AGGF1: variants seen among roughly 807,000 people sequenced by gnomAD.
AGGF1 encodes the protein angiogenic factor with G patch and FHA domains 1.
AGGF1 carries 56 observed loss-of-function variants against 86.5 expected under a neutral mutation model. The observed-to-expected ratio is 0.65, with a 90% CI of 0.52 to 0.81. The LOEUF is 0.81. AGGF1 is among the 30% of genes least tolerant of loss of function. The pLI, the probability that AGGF1 is intolerant of heterozygous loss-of-function variation, is 0.00. For synonymous variants in AGGF1, 313 were observed against 297.1 expected, an observed-to-expected ratio of 1.05 and a Z score of -0.55; for missense variants, 816 against 850.9, an observed-to-expected ratio of 0.96 and a Z score of 0.51.
intron 1 of AGGF1, among the ~76,000 whole-genome samples, chr5:77,031,978 A>G (rs1746862599): frequency 6.6e-6 from 1 of 151,994 alleles, no homozygotes; most frequent in African/African-American, 2.4e-5. Flanking sequence ...CCAACAGATT[A>G]TTTCCACATA....
intron 8 of AGGF1, 22 bp downstream of exon 8, chr5:77,049,009 A>G (rs781479157): frequency 1.2e-6 from 2 of 1,609,054 alleles, no homozygotes; most frequent in Admixed American, 3.3e-5. Context: ...GATTTATCAA[A>G]TATAGTCCCC....
intron 8 of AGGF1, 75 bp downstream of exon 8, chr5:77,049,062 G>T: frequency 6.9e-7 from 1 of 1,454,232 alleles, no homozygotes; most frequent in South Asian, 1.2e-5. Flanking sequence ...GAAAGCTTAG[G>T]GATTTTTCTC....
At position 77,034,447 on chromosome 5, in the gene AGGF1, T is replaced by G; in HGVS notation, c.240T>G (p.Arg80=). 1.2e-6 allele frequency: 2 copies of G among 1,613,184 alleles called. No homozygotes were observed. Among genetic ancestry groups the G allele is most frequent in the Non-Finnish European group, 1.7e-6 (2 of 1,179,336 alleles). The change falls in exon 2 of 14, where the codon CGT becomes CGG. Residue 80 remains arginine (R), a synonymous_variant. Coordinates refer to ENST00000312916, the MANE Select transcript of AGGF1 (RefSeq NM_018046.5). Reference sequence around the variant, plus strand: ...AAGAACTCAGTAAAATACTCCAACGTGGGAGAAATGAAGATAATAAAAAGT... The same window carrying G: ...AAGAACTCAGTAAAATACTCCAACGGGGGAGAAATGAAGATAATAAAAAGT... The part of the protein sequence containing the change: ...QVEELSKILQ[R]GRNEDNKKSD...
At chr5:77,052,856 A>T (rs553282815) in intron 9 of AGGF1, 49 bp downstream of exon 9, 1 of 1,405,070 alleles carries the variant, frequency 7.1e-7, no homozygotes, top group East Asian at 2.3e-5. Context: ...TTTTAAACTG[A>T]TTTTTTTTTA....
chr5:77,039,969 A>G (rs1747040153), intron 5 of AGGF1, among the ~76,000 whole-genome samples: 1 of 152,204 alleles, frequency 6.6e-6, no homozygotes, highest in Non-Finnish European at 1.5e-5. Context: ...TATAGTTTGG[A>G]AGAAGAATTC....
intron 9 of AGGF1, 99 bp from the exon 10 acceptor site, chr5:77,053,864 AAT>A (rs1431693442): frequency 8.4e-7 from 1 of 1,191,544 alleles, no homozygotes. Context: ...AGCTATTTTA[AAT>A]ATATTTTAAA....
chr5:77,048,174 T>G lies in AGGF1; in HGVS notation c.1215T>G (p.Ile405Met). 2 of 1,610,536 alleles carry G rather than the reference T, an allele frequency of 1.2e-6. No homozygotes were observed. The highest frequency in any genetic ancestry group is 1.7e-6 in the Non-Finnish European group (2 of 1,177,318). Reference protein sequence around the residue: ...EDSEDEDEDKIWPPCIRVIVI... With the variant: ...EDSEDEDEDKMWPPCIRVIVI... ...TTTCCTTGGCAGATGAAGACAAAATTTGGCCCCCATGTATTAGAGTAATTG... is the reference window on the plus strand; with the variant it reads ...TTTCCTTGGCAGATGAAGACAAAATGTGGCCCCCATGTATTAGAGTAATTG... Residue 405 changes from isoleucine (I) to methionine (M), a missense_variant, in exon 7 of 14, where the codon ATT becomes ATG. This residue lies in a region of AGGF1 where 565 missense variants were observed against 585.8 expected (regional missense o/e 0.96). Coordinates refer to ENST00000312916, the MANE Select transcript of AGGF1 (RefSeq NM_018046.5).
chr5:77,046,722 C>T (rs772813738), intron 6 of AGGF1, 45 bp downstream of exon 6: 2 of 1,558,070 alleles, frequency 1.3e-6, no homozygotes, highest in South Asian at 2.2e-5. Context: ...AGTCTGGTAA[C>T]TATAAAAGAG....
At chr5:77,036,869 C>A (rs1580123947) in intron 4 of AGGF1, 149 bp downstream of exon 4, 3 of 881,644 alleles carry the variant, frequency 3.4e-6, no homozygotes, top group Middle Eastern at 3.4e-4. Context: ...TCCCAAGTAG[C>A]TGGGATTACA....
intron 11 of AGGF1, among the ~76,000 whole-genome samples, chr5:77,057,612 C>G (rs959347915): frequency 2.6e-5 from 4 of 152,162 alleles, no homozygotes; most frequent in Non-Finnish European, 5.9e-5. Flanking sequence ...TTACTACTTA[C>G]AAATAGTGAG....
chr5:77,043,275 C>A (rs1747161198), intron 5 of AGGF1, among the ~76,000 whole-genome samples: 2 of 29,290 alleles, frequency 6.8e-5, no homozygotes, highest in Admixed American at 2.9e-4. Flanking sequence ...AGGCGCCCCT[C>A]ACCTCCCAGA....
At chr5:77,043,614 G>A (rs1469540416) in intron 5 of AGGF1, among the ~76,000 whole-genome samples, 2 of 136,158 alleles carry the variant, frequency 1.5e-5, no homozygotes, top group African/African-American at 5.4e-5. Context: ...TGGCACGGCT[G>A]GCCGGGCGGG....
At chr5:77,038,520 T>C (rs1276061052) in intron 4 of AGGF1, among the ~76,000 whole-genome samples, 5 of 152,132 alleles carry the variant, frequency 3.3e-5, no homozygotes, top group Non-Finnish European at 7.4e-5. Context: ...ATTTAAAAGG[T>C]TTGAATTATA....
At chr5:77,062,960 A>G in intron 13 of AGGF1, 92 bp from the exon 14 acceptor site, 1 of 1,366,674 alleles carries the variant, frequency 7.3e-7, no homozygotes, top group Non-Finnish European at 1.0e-6. Flanking sequence ...ATCTTTAATA[A>G]ATCAAAAAAT....
intron 8 of AGGF1, among the ~76,000 whole-genome samples, chr5:77,051,625 T>C (rs1322207903): frequency 6.6e-6 from 1 of 152,226 alleles, no homozygotes; most frequent in Non-Finnish European, 1.5e-5. Context: ...ACAACCACTT[T>C]GGAAAACAGT....
At chr5:77,031,054 T>TC in intron 1 of AGGF1, 78 bp downstream of exon 1, 1 of 1,494,414 alleles carries the variant, frequency 6.7e-7, no homozygotes, top group Non-Finnish European at 9.3e-7. Context: ...TCGGAAGGGG[T>TC]CCCTGGCAGG....
At chr5:77,059,874 C>G (rs1351185847) in intron 12 of AGGF1, 131 bp downstream of exon 12, 7 of 1,217,682 alleles carry the variant, frequency 5.7e-6, no homozygotes, top group Non-Finnish European at 8.2e-6. Flanking sequence ...TGGAGTCTTG[C>G]TCCGTCGCCC....
At chr5:77,059,795 C>T (rs1241491830) in intron 12 of AGGF1, 52 bp downstream of exon 12, 1 of 1,606,400 alleles carries the variant, frequency 6.2e-7, no homozygotes, top group Non-Finnish European at 8.5e-7. Flanking sequence ...TAATAACATT[C>T]ATAGGGTGGT....
chr5:77,047,519 T>G (rs1158921354), intron 6 of AGGF1, among the ~76,000 whole-genome samples: 1 of 152,174 alleles, frequency 6.6e-6, no homozygotes, highest in Non-Finnish European at 1.5e-5. Context: ...GGCATTTCTC[T>G]TGCATTTTTT....
Sources: gnomAD v4.1 joint callset for allele counts (sites outside exome capture counted in the v4.1 genomes callset) on GRCh38, gnomAD v4.1.1 for gene constraint, gnomAD v4.1.1 regional missense constraint, MANE v1.5 for transcripts, NCBI Gene and HGNC (gene_info 2026-07-23, HGNC 2026-07-21) for gene names.